Variants in KLHL29 observed in about 807,000 individuals in gnomAD.
The protein encoded by KLHL29 is kelch-like protein 29.
KLHL29 carries 21 observed loss-of-function variants against 80.4 expected under a neutral mutation model. The ratio of observed to expected loss-of-function variants is 0.26; its 90% CI spans 0.19 to 0.38. KLHL29 has a LOEUF of 0.38. Ranked by LOEUF, KLHL29 falls within the 10% of genes least tolerant of loss-of-function variation. The pLI is 1.00. For missense variants in KLHL29, 867 were observed against 1,223.9 expected (o/e 0.71, Z 4.35); for synonymous variants, 511 against 526.8 (o/e 0.97, Z 0.41).
intron 1 of KLHL29, among the ~76,000 whole-genome samples, chr2:23,419,445 G>A (rs1662717837): frequency 6.6e-6 from 1 of 152,112 alleles, no homozygotes; most frequent in Admixed American, 6.5e-5. Context: ...GCTGTCGGTG[G>A]GAGCCCACAG....
chr2:23,416,859 C>T (rs1666991858), intron 1 of KLHL29, among the ~76,000 whole-genome samples: 1 of 152,180 alleles, frequency 6.6e-6, no homozygotes, highest in African/African-American at 2.4e-5. Flanking sequence ...TCCGTATCTT[C>T]AGTACTGACC....
chr2:23,623,343 C>T (rs1177000266), intron 3 of KLHL29, among the ~76,000 whole-genome samples: 3 of 152,294 alleles, frequency 2.0e-5, no homozygotes, highest in African/African-American at 7.2e-5. Context: ...ACGTTAGTGG[C>T]AGGAGGACAG....
intron 2 of KLHL29, among the ~76,000 whole-genome samples, chr2:23,514,628 G>A (rs1377903799): frequency 6.6e-6 from 1 of 152,192 alleles, no homozygotes; most frequent in Non-Finnish European, 1.5e-5. Flanking sequence ...TGACCATGTG[G>A]CCTGGATCTT....
At chr2:23,649,891 G>A (rs1326054086) in intron 5 of KLHL29, among the ~76,000 whole-genome samples, 1 of 152,236 alleles carries the variant, frequency 6.6e-6, no homozygotes, top group African/African-American at 2.4e-5. Flanking sequence ...TAACCCGTGA[G>A]GTTCCAGGTC....
At chr2:23,390,650 CTTT>C (rs70941576) in intron 1 of KLHL29, among the ~76,000 whole-genome samples, 1 of 120,234 alleles carries the variant, frequency 8.3e-6, no homozygotes. Flanking sequence ...ACCATCTTTA[CTTT>C]TTTTTTTTTT....
intron 1 of KLHL29, among the ~76,000 whole-genome samples, chr2:23,398,156 A>G (rs1330876681): frequency 1.3e-5 from 2 of 152,376 alleles, no homozygotes; most frequent in Non-Finnish European, 2.9e-5. Flanking sequence ...ATGTTCATAC[A>G]CTAGTGTTGC....
intron 11 of KLHL29, among the ~76,000 whole-genome samples, chr2:23,701,194 C>CTCCTTTAGCGCCAGCATTTCA (rs6146682): frequency 6.6e-6 from 1 of 151,910 alleles, no homozygotes; most frequent in Non-Finnish European, 1.5e-5. Flanking sequence ...TGGCAACTAT[C>CTCCTTTAGCGCCAGCATTTCA]TCAATGAGCA....
At chr2:23,448,561 C>T (rs529100652) in intron 1 of KLHL29, among the ~76,000 whole-genome samples, 9 of 152,296 alleles carry the variant, frequency 5.9e-5, no homozygotes, top group Admixed American at 3.3e-4. Flanking sequence ...AGGAGTGATT[C>T]TCAACAGGAC....
Position 23,494,339 on chromosome 2 carries a change from C to A in KLHL29, c.-46+18672C>A, listed in dbSNP as rs186522664. Among the ~76,000 whole-genome samples, 724 of 152,252 alleles carry A rather than the reference C, an allele frequency of 4.8e-3. 5 individuals are homozygous for A. The highest frequency in any genetic ancestry group is 4.8e-3 in the Admixed American group (73 of 15,300). ...CGTTTTGTAGAAGCAAATAGCAACA[C>A]CAAAATGAAGGTCTGGGAAGCTGGG... On this transcript the variant is annotated intron_variant, in intron 2 of 13. Coordinates refer to ENST00000486442, the MANE Select transcript of KLHL29 (RefSeq NM_052920.2).
chr2:23,556,478 AAAAAAAAAC>A (rs1667298486), intron 2 of KLHL29, among the ~76,000 whole-genome samples: 5 of 151,002 alleles, frequency 3.3e-5, no homozygotes, highest in Middle Eastern at 3.4e-3. Context: ...ATTTCTACCA[AAAAAAAAAC>A]AAAAAAAATA....
intron 1 of KLHL29, among the ~76,000 whole-genome samples, chr2:23,414,599 A>G (rs1032264375): frequency 6.6e-6 from 1 of 152,122 alleles, no homozygotes; most frequent in Admixed American, 6.5e-5. Context: ...GCTCAATTTG[A>G]GCCTCTTTCC....
At chr2:23,610,130 C>A (rs975246380) in intron 3 of KLHL29, among the ~76,000 whole-genome samples, 1 of 152,144 alleles carries the variant, frequency 6.6e-6, no homozygotes, top group Non-Finnish European at 1.5e-5. Context: ...CCCTTCCTCC[C>A]AACACTTGGA....
Position 23,703,288 on chromosome 2 carries a change from T to A in KLHL29, c.2208T>A (p.Gly736=), listed in dbSNP as rs1572537434. Reference sequence around the variant, plus strand: ...GTGGCGGCAAGATCTACGTGTTTGGTGGGGTGAACGAGGCAGGCCGAGCTG... The same window carrying A: ...GTGGCGGCAAGATCTACGTGTTTGGAGGGGTGAACGAGGCAGGCCGAGCTG... The part of the protein sequence containing the change: ...TVCGGKIYVF[G]GVNEAGRAAG... The change falls in exon 12 of 14, where the codon GGT becomes GGA. Residue 736 remains glycine, a synonymous_variant. Transcript: ENST00000486442. 5 of 1,549,270 alleles carry A rather than the reference T, an allele frequency of 3.2e-6. No individual in the cohort carries two copies. The East Asian group carries it at 1.2e-4, about 38-fold the overall frequency.
At chr2:23,581,238 A>G (rs1572415270) in intron 3 of KLHL29, among the ~76,000 whole-genome samples, 1 of 152,144 alleles carries the variant, frequency 6.6e-6, no homozygotes, top group Non-Finnish European at 1.5e-5. Flanking sequence ...GAGCATCTCC[A>G]TGTATATGAT....
intron 1 of KLHL29, among the ~76,000 whole-genome samples, chr2:23,449,664 G>A (rs989118230): frequency 1.3e-5 from 2 of 152,180 alleles, no homozygotes; most frequent in African/African-American, 4.8e-5. Flanking sequence ...ACACAGTCAT[G>A]CTCAAGGTCA....
intron 5 of KLHL29, among the ~76,000 whole-genome samples, chr2:23,670,435 C>CT (rs1333347915): frequency 6.6e-6 from 1 of 152,044 alleles, no homozygotes; most frequent in Admixed American, 6.5e-5. Context: ...GGCACCGTGC[C>CT]TGCTACACAG....
chr2:23,563,088 G>A (rs1667492378), intron 3 of KLHL29, among the ~76,000 whole-genome samples: 1 of 152,210 alleles, frequency 6.6e-6, no homozygotes. Flanking sequence ...CCTTTCTGCA[G>A]AGGACCCAGG....
chr2:23,418,247 G>A (rs1219266550), intron 1 of KLHL29, among the ~76,000 whole-genome samples: 1 of 152,160 alleles, frequency 6.6e-6, no homozygotes, highest in African/African-American at 2.4e-5. Flanking sequence ...CCCCGCCATG[G>A]AGCCAGGGCC....
chr2:23,418,851 C>G (rs1278727027), intron 1 of KLHL29, among the ~76,000 whole-genome samples: 1 of 152,146 alleles, frequency 6.6e-6, no homozygotes, highest in Non-Finnish European at 1.5e-5. Context: ...TCACAGCATG[C>G]ACTTCGTCAA....
Sources: allele counts gnomAD v4.1 joint callset (sites outside exome capture counted in the v4.1 genomes callset), GRCh38; gene constraint gnomAD v4.1.1; transcripts MANE v1.5; gene names NCBI Gene and HGNC (gene_info 2026-07-23, HGNC 2026-07-21).